LRP12: variants seen among roughly 807,000 people sequenced by gnomAD.
LRP12 encodes LDL receptor related protein 12, also known as low-density lipoprotein receptor-related protein 12.
In LRP12, 14 loss-of-function variants were observed where a neutral mutation model predicts 66.0. The observed-to-expected ratio is 0.21, with a 90% confidence interval of 0.14 to 0.33. The LOEUF (loss-of-function observed/expected upper bound fraction) is 0.33. Ranked by LOEUF, LRP12 falls within the 10% of genes least tolerant of loss-of-function variation. The pLI is 1.00. For missense variants in LRP12, 889 were observed against 1,053.4 expected (o/e 0.84, Z 2.16); for synonymous variants, 357 against 359.1 (o/e 0.99, Z 0.07).
At chr8:104,498,883 T>C (rs1388813327) in intron 4 of LRP12, among the ~76,000 whole-genome samples, 4 of 152,216 alleles carry the variant, frequency 2.6e-5, no homozygotes, top group Non-Finnish European at 5.9e-5. Flanking sequence ...TCTTGTTTTT[T>C]AGACACAATT....
At chr8:104,544,114 TAGAG>T (rs1435515769) in intron 1 of LRP12, among the ~76,000 whole-genome samples, 3 of 152,108 alleles carry the variant, frequency 2.0e-5, no homozygotes, top group Non-Finnish European at 2.9e-5. Flanking sequence ...TTACTGTTGA[TAGAG>T]AGAAAGTTTT....
At chr8:104,527,782 T>C (rs933295274) in intron 2 of LRP12, among the ~76,000 whole-genome samples, 14 of 152,042 alleles carry the variant, frequency 9.2e-5, no homozygotes, top group African/African-American at 2.7e-4. Context: ...TGTATACATA[T>C]GTAACTAACC....
At position 104,538,838 on chromosome 8, in the gene LRP12, TTTTTA is replaced by T. The variant is rs568308430; in HGVS notation, c.80-6880_80-6876del. 1.3e-3 allele frequency among the ~76,000 whole-genome samples: 197 copies of T among 152,276 alleles called. 1 individual carries two copies. Among genetic ancestry groups the T allele is most frequent in the African/African-American group, 4.6e-3 (190 of 41,554 alleles). The stretch of plus-strand genomic sequence containing the variant: ...GCCTAGTGTACTTTAGCAACTACGT[TTTTTA>T]TTTTATTTAATTTTAATTAATTTAA... On this transcript the variant is annotated intron_variant, in intron 1 of 6. Coordinates refer to ENST00000276654, the MANE Select transcript of LRP12 (RefSeq NM_013437.5).
chr8:104,528,139 G>T (rs545229558), intron 2 of LRP12, among the ~76,000 whole-genome samples: 2 of 152,254 alleles, frequency 1.3e-5, no homozygotes, highest in East Asian at 3.9e-4. Context: ...ATAACACTAG[G>T]TGCAGACAAT....
intron 4 of LRP12, among the ~76,000 whole-genome samples, 193 bp downstream of exon 4, chr8:104,499,124 G>T (rs1332777261): frequency 6.6e-6 from 1 of 152,152 alleles, no homozygotes; most frequent in African/African-American, 2.4e-5. Context: ...TAATCATTTT[G>T]TTAGAATTAT....
At chr8:104,547,542 A>C (rs1045577131) in intron 1 of LRP12, among the ~76,000 whole-genome samples, 1 of 128,738 alleles carries the variant, frequency 7.8e-6, no homozygotes, top group African/African-American at 2.9e-5. Flanking sequence ...TTTGTATATA[A>C]TATATAATTA....
chr8:104,498,913 G>T (rs1024922276), intron 4 of LRP12, among the ~76,000 whole-genome samples: 2 of 152,060 alleles, frequency 1.3e-5, no homozygotes, highest in African/African-American at 4.8e-5. Context: ...AAAAGATGTC[G>T]TTTTTTCTGA....
chr8:104,498,700 T>C (rs1810777411), intron 4 of LRP12, among the ~76,000 whole-genome samples: 1 of 152,224 alleles, frequency 6.6e-6, no homozygotes, highest in African/African-American at 2.4e-5. Context: ...TATGTGTGTA[T>C]GTATCTTTAT....
rs372381272 is a variant in LRP12 at position 104,548,171 on chromosome 8, A to AATATAATATATAAT, written c.80-16222_80-16209dup. 5.3e-3 allele frequency among the ~76,000 whole-genome samples: 529 copies of AATATAATATATAAT among 99,064 alleles called. 9 individuals are homozygous for AATATAATATATAAT. Among genetic ancestry groups the AATATAATATATAAT allele is most frequent in the African/African-American group, 0.015 (319 of 21,760 alleles). The allele number at this position is 99,064 out of a possible 152,430, so 65.0% of individuals were successfully genotyped here. A position where few individuals can be genotyped will look rare whatever the true frequency, so the allele number is the denominator to read the frequency against. On this transcript the variant is annotated intron_variant, in intron 1 of 6. Transcript: ENST00000276654. ...TTATATATTAATAATTATTATATAT[A>AATATAATATATAAT]ATATAATATATAATATATATATAAA...
chr8:104,537,848 TCTATA>T (rs1458961672), intron 1 of LRP12, among the ~76,000 whole-genome samples: 1 of 152,160 alleles, frequency 6.6e-6, no homozygotes, highest in Non-Finnish European at 1.5e-5. Flanking sequence ...TCTATTCTGT[TCTATA>T]AAGTTCTAGA....
intron 1 of LRP12, among the ~76,000 whole-genome samples, chr8:104,579,991 G>A (rs1209802654): frequency 6.6e-6 from 1 of 152,014 alleles, no homozygotes; most frequent in Non-Finnish European, 1.5e-5. Context: ...AGACAAGCTA[G>A]GCAATACCAT....
intron 1 of LRP12, among the ~76,000 whole-genome samples, chr8:104,551,850 CT>C (rs1415359447): frequency 3.3e-5 from 5 of 152,156 alleles, no homozygotes; most frequent in Non-Finnish European, 5.9e-5. Context: ...CCCTGCCTTG[CT>C]ATTCCCCAGC....
intron 2 of LRP12, among the ~76,000 whole-genome samples, chr8:104,516,212 G>A (rs1401148729): frequency 6.6e-6 from 1 of 152,028 alleles, no homozygotes. Flanking sequence ...AAATTAAAGA[G>A]GTTCAAAATG....
intron 1 of LRP12, among the ~76,000 whole-genome samples, chr8:104,533,560 G>T (rs1811356458): frequency 6.6e-6 from 1 of 151,992 alleles, no homozygotes; most frequent in African/African-American, 2.4e-5. Flanking sequence ...GCAAGGTTTG[G>T]GCTTAAATCT....
At chr8:104,535,168 T>G (rs910646907) in intron 1 of LRP12, among the ~76,000 whole-genome samples, 1 of 151,768 alleles carries the variant, frequency 6.6e-6, no homozygotes, top group Non-Finnish European at 1.5e-5. Context: ...AATCAGAAAA[T>G]AGTTTGTTAT....
intron 1 of LRP12, among the ~76,000 whole-genome samples, chr8:104,567,089 T>C (rs1227170259): frequency 1.3e-5 from 2 of 151,730 alleles, no homozygotes; most frequent in Non-Finnish European, 2.9e-5. Flanking sequence ...AACAAGGATA[T>C]CCACTCTTGC....
intron 1 of LRP12, among the ~76,000 whole-genome samples, chr8:104,559,446 G>A (rs771529291): frequency 3.4e-4 from 51 of 148,990 alleles, no homozygotes; most frequent in Non-Finnish European, 5.9e-4. Context: ...GGACTTTGGG[G>A]ACTCGGGGGA....
At chr8:104,554,936 A>T (rs915981581) in intron 1 of LRP12, among the ~76,000 whole-genome samples, 11 of 152,172 alleles carry the variant, frequency 7.2e-5, no homozygotes, top group Admixed American at 3.9e-4. Context: ...CTCAGCAGAA[A>T]CCTTACAAGC....
chr8:104,502,777 G>A (rs1350633206), intron 3 of LRP12, among the ~76,000 whole-genome samples: 1 of 151,806 alleles, frequency 6.6e-6, no homozygotes, highest in Non-Finnish European at 1.5e-5. Flanking sequence ...GGAATCCCTA[G>A]TTTGGTTTTA....
Sources: allele counts gnomAD v4.1 joint callset (sites outside exome capture counted in the v4.1 genomes callset), GRCh38; gene constraint gnomAD v4.1.1; transcripts MANE v1.5; gene names NCBI Gene and HGNC (gene_info 2026-07-23, HGNC 2026-07-21).